Variants in GSTO1 observed in about 807,000 individuals in gnomAD.
The protein encoded by GSTO1 is glutathione S-transferase omega 1, also known as glutathione S-transferase omega-1.
Under a neutral mutation model 23.8 loss-of-function variants are expected in GSTO1, and 27 were observed. The ratio of observed to expected loss-of-function variants is 1.13; its 90% CI spans 0.83 to 1.56. The LOEUF (loss-of-function observed/expected upper bound fraction) is 1.56. GSTO1 is among the 40% of genes most tolerant of loss of function. GSTO1 has a pLI of 0.00. For synonymous variants in GSTO1, 105 were observed against 109.3 expected (o/e 0.96, Z 0.25); for missense variants, 255 against 285.8 (o/e 0.89, Z 0.78).
intron 5 of GSTO1, 47 bp downstream of exon 5, chr10:104,266,237 A>ATAG: frequency 1.0e-6 from 1 of 972,892 alleles, no homozygotes; most frequent in African/African-American, 1.6e-5. Context: ...GACAGGTGGA[A>ATAG]TAGTATATAT....
chr10:104,265,820 A>G (rs1392018912), intron 4 of GSTO1, among the ~76,000 whole-genome samples: 1 of 152,106 alleles, frequency 6.6e-6, no homozygotes, highest in Non-Finnish European at 1.5e-5. Flanking sequence ...TCTGAATACC[A>G]GTCCTTTGTA....
In GSTO1 at chr10:104,267,295, A is replaced by G. The variant is rs1383952851; in HGVS notation, c.616A>G (p.Met206Val). The stretch of plus-strand genomic sequence containing the variant: ...AAAACTGAAACTGTGGATGGCAGCC[A>G]TGAAGGAAGATCCCACAGTCTCAGC... The part of the protein sequence containing the change: ...TPKLKLWMAA[M>V]KEDPTVSALL... The change falls in exon 6 of 6, where the codon ATG becomes GTG. Residue 206 changes from methionine to valine, a missense_variant. Coordinates refer to ENST00000369713, the MANE Select transcript of GSTO1 (RefSeq NM_004832.3). The G allele has an allele frequency of 1.2e-6, 2 of 1,613,496 alleles. No homozygotes were observed. Among genetic ancestry groups the G allele is most frequent in the Non-Finnish European group, 1.7e-6 (2 of 1,179,534 alleles).
intron 5 of GSTO1, 70 bp downstream of exon 5, chr10:104,266,260 AT>A: frequency 1.2e-6 from 1 of 825,788 alleles, no homozygotes; most frequent in South Asian, 1.4e-5. Flanking sequence ...ACCTTTCTTT[AT>A]AACAGAAGTT....
chr10:104,255,291 A>G lies in GSTO1; in HGVS notation c.143+20A>G, dbSNP rs1308812020. On this transcript the variant is annotated intron_variant, in intron 2 of 5. Transcript: ENST00000369713. ...AATCAGGTGGGCACCCAGGCGGGGG[A>G]CGCTCCCCGAGCCGTCCGGGAGCCT... 6.5e-7 allele frequency: 1 copy of G among 1,535,728 alleles called. No individual in the cohort carries two copies. The highest frequency in any genetic ancestry group is 2.3e-5 in the East Asian group (1 of 44,438).
At chr10:104,257,452 C>T (rs1416920416) in intron 2 of GSTO1, among the ~76,000 whole-genome samples, 1 of 151,698 alleles carries the variant, frequency 6.6e-6, no homozygotes, top group Non-Finnish European at 1.5e-5. Context: ...GCAATCTTCT[C>T]ACCTCAGCAT....
At chr10:104,260,202 G>A (rs903316526) in intron 3 of GSTO1, among the ~76,000 whole-genome samples, 4 of 152,088 alleles carry the variant, frequency 2.6e-5, no homozygotes, top group African/African-American at 7.2e-5. Context: ...GTTCCCATCC[G>A]TGTGAACTTT....
chr10:104,266,018 C>T lies in GSTO1; in HGVS notation c.466-66C>T, dbSNP rs573062090. 29 of 836,652 alleles carry T rather than the reference C, an allele frequency of 3.5e-5. No individual in the cohort carries two copies. The East Asian group carries it at 6.5e-4, about 19-fold the overall frequency. 51.8% of individuals were successfully genotyped at this position (836,652 alleles called of 1,614,324 possible). On this transcript the variant is annotated intron_variant, in intron 4 of 5. Coordinates refer to ENST00000369713, the MANE Select transcript of GSTO1 (RefSeq NM_004832.3). ...CTCACCTGCTCTACTTATTTCCCTT[C>T]AGCATTTCTAGTGAGTCTTACTACA... is the stretch of plus-strand genomic sequence containing the variant.
intron 4 of GSTO1, among the ~76,000 whole-genome samples, chr10:104,263,753 CT>C (rs899896667): frequency 6.7e-6 from 1 of 148,234 alleles, no homozygotes; most frequent in African/African-American, 2.6e-5. Flanking sequence ...TTTCAGAAAC[CT>C]TTTTTTCATT....
At chr10:104,264,683 G>A (rs192381392) in intron 4 of GSTO1, among the ~76,000 whole-genome samples, 25 of 152,224 alleles carry the variant, frequency 1.6e-4, no homozygotes, top group African/African-American at 3.9e-4. Context: ...TAAACCCACC[G>A]TAAGCTGAAA....
chr10:104,265,468 T>G (rs995351918), intron 4 of GSTO1, among the ~76,000 whole-genome samples: 6 of 150,126 alleles, frequency 4.0e-5, no homozygotes, highest in African/African-American at 9.7e-5. Context: ...AACATTCACA[T>G]AACATATCTT....
At position 104,259,679 on chromosome 10, in the gene GSTO1, A is replaced by G. The variant is rs750251204; in HGVS notation, c.247A>G (p.Ile83Val). ...PVLENSQGQLIYESAITCEYL... is the reference protein window; with the variant it reads ...PVLENSQGQLVYESAITCEYL... ...TCTGGAAAACAGTCAGGGTCAGCTG[A>G]TCTACGAGTCTGCCATCACCTGTGA... Residue 83 changes from isoleucine (I) to valine (V), a missense_variant, in exon 3 of 6, where the codon ATC (isoleucine) becomes GTC (valine). Transcript: ENST00000369713. 5.6e-6 allele frequency: 9 copies of G among 1,613,228 alleles called. No homozygotes were observed. In the Admixed American group the frequency reaches 1.5e-4, roughly 27 times the overall value.
intron 3 of GSTO1, among the ~76,000 whole-genome samples, chr10:104,262,767 A>G (rs1405113284): frequency 6.6e-6 from 1 of 152,174 alleles, no homozygotes; most frequent in Non-Finnish European, 1.5e-5. Context: ...GTTATTTGTA[A>G]TTTATAAAAT....
Position 104,255,246 on chromosome 10 carries a change from C to T in GSTO1, c.118C>T (p.Leu40=). 2 of 1,612,920 alleles carry T rather than the reference C, an allele frequency of 1.2e-6. No individual in the cohort carries two copies. The highest frequency in any genetic ancestry group is 1.7e-6 in the Non-Finnish European group (2 of 1,178,882). Residue 40 remains leucine (L), a synonymous_variant, in exon 2 of 6, where the codon CTA becomes TTA. Transcript: ENST00000369713. ...RFCPFAERTR[L]VLKAKGIRHE... ...CTGCCCGTTTGCTGAGAGGACGCGTCTAGTCCTGAAGGCCAAGGGAATCAG... is the reference window on the plus strand; with the variant it reads ...CTGCCCGTTTGCTGAGAGGACGCGTTTAGTCCTGAAGGCCAAGGGAATCAG...
At chr10:104,261,239 A>C (rs576427623) in intron 3 of GSTO1, among the ~76,000 whole-genome samples, 1 of 152,328 alleles carries the variant, frequency 6.6e-6, no homozygotes, top group South Asian at 2.1e-4. Flanking sequence ...GCATAAAGCT[A>C]CTACTTTAAA....
intron 5 of GSTO1, 114 bp downstream of exon 5, chr10:104,266,304 C>A: frequency 1.6e-6 from 1 of 614,964 alleles, no homozygotes; most frequent in Non-Finnish European, 3.0e-6. Flanking sequence ...TGAATGAGAA[C>A]AAGCAGACAG....
At chr10:104,259,542 T>C (rs757216769) in intron 2 of GSTO1, 34 bp from the exon 3 acceptor site, 3 of 1,386,854 alleles carry the variant, frequency 2.2e-6, no homozygotes, top group Non-Finnish European at 3.1e-6. Flanking sequence ...AAAAGTTGTT[T>C]CCTTCTCTTC....
In GSTO1 at chr10:104,263,037, TA is replaced by T; in HGVS notation, c.429del (p.Glu144LysfsTer10). On this transcript the variant is annotated frameshift_variant, in exon 4 of 6. Transcript: ENST00000369713. LOFTEE classifies it high-confidence loss of function. Reference sequence around the variant, plus strand: ...CAAAATAAAGAAGACTATGCTGGCCTAAAAGAAGAATTTCGTAAAGAATTTA... The same window carrying T: ...CAAAATAAAGAAGACTATGCTGGCCTAAAGAAGAATTTCGTAAAGAATTTA... ...RSQNKEDYAG[L>X]KEEFRKEFTK... The T allele has an allele frequency of 6.5e-7, 1 of 1,539,138 alleles. No individual in the cohort carries two copies. The highest frequency in any genetic ancestry group is 9.0e-7 in the Non-Finnish European group (1 of 1,112,584).
chr10:104,265,829 T>C (rs192963796), intron 4 of GSTO1, among the ~76,000 whole-genome samples: 2 of 152,356 alleles, frequency 1.3e-5, no homozygotes, highest in East Asian at 1.9e-4. Flanking sequence ...CAGTCCTTTG[T>C]ATTACAAATA....
intron 3 of GSTO1, among the ~76,000 whole-genome samples, chr10:104,260,459 T>C (rs2011129575): frequency 6.6e-6 from 1 of 152,210 alleles, no homozygotes; most frequent in Non-Finnish European, 1.5e-5. Flanking sequence ...GTCTGACACA[T>C]GGGAACTACT....
Sources: gnomAD v4.1 joint callset for allele counts (sites outside exome capture counted in the v4.1 genomes callset) on GRCh38, gnomAD v4.1.1 for gene constraint, MANE v1.5 for transcripts, NCBI Gene and HGNC (gene_info 2026-07-23, HGNC 2026-07-21) for gene names.